MED1: variants seen among roughly 807,000 people sequenced by gnomAD.
MED1 encodes mediator complex subunit 1.
A neutral mutation model predicts 121.3 loss-of-function variants in MED1; 17 were observed. The observed-to-expected ratio is 0.14, with a 90% CI of 0.10 to 0.21. MED1 has a LOEUF of 0.21. MED1 is among the 10% of genes least tolerant of loss of function. The pLI is 1.00. For missense variants in MED1, 1,558 were observed against 1,919.4 expected, an observed-to-expected ratio of 0.81 and a Z score of 3.52; for synonymous variants, 661 against 694.4, an observed-to-expected ratio of 0.95 and a Z score of 0.76.
At chr17:39,448,266 A>C (rs1293955366) in intron 1 of MED1, among the ~76,000 whole-genome samples, 1 of 151,414 alleles carries the variant, frequency 6.6e-6, no homozygotes, top group African/African-American at 2.4e-5. Context: ...GCTACTTGGG[A>C]GGCTAAGGGA....
At chr17:39,419,959 T>C (rs1326732710) in intron 13 of MED1, 41 bp from the exon 14 acceptor site, 1 of 1,565,300 alleles carries the variant, frequency 6.4e-7, no homozygotes. Context: ...TTTAGTTACC[T>C]ATTGTATTCC....
rs185642765 is a variant in MED1, at chr17:39,440,669, A to T, written c.220T>A (p.Leu74Ile). 16 of 1,612,850 alleles carry T rather than the reference A, an allele frequency of 9.9e-6. No homozygotes were observed. The East Asian group carries it at 3.6e-4, about 36-fold the overall frequency. ...TCCAAACGATCAGTCATTGCTGGTA[A>T]AGATGTTACTATAAAAGGATGAAAA... The part of the protein sequence containing the change: ...TLQKALKVTS[L>I]PAMTDRLESI... Residue 74 changes from leucine (L) to isoleucine (I), a missense_variant, in exon 4 of 17, where the codon TTA (leucine) becomes ATA (isoleucine). Physicochemically the swap from Leu to Ile is conservative, Grantham distance 5. Around this residue, in one of 5 missense-constraint regions of MED1, gnomAD observed 443 missense variants for 532.4 expected, o/e 0.83. Coordinates refer to ENST00000300651, the MANE Select transcript of MED1 (RefSeq NM_004774.4). The surrounding 1 kb of genome is among the most constrained non-coding windows in gnomAD (Gnocchi z 4.1).
In MED1 at chr17:39,409,157, G is replaced by A; in HGVS notation, c.3064C>T (p.Pro1022Ser). Residue 1022 changes from proline to serine, a missense_variant, in exon 17 of 17, where the codon CCA becomes TCA. By Grantham distance (74) the Pro-to-Ser change is moderately conservative. Around this residue, in one of 5 missense-constraint regions of MED1, gnomAD observed 793 missense variants for 898.2 expected, o/e 0.88. Transcript: ENST00000300651. ...GGTCTGTTAGAAGAACTATGAGATG[G>A]AGACTTTCCCTCAGTGTCTGCCTTC... ...RKKADTEGKS[P>S]SHSSSNRPFT... The A allele has an allele frequency of 6.2e-7, 1 of 1,614,136 alleles. No homozygotes were observed. Among genetic ancestry groups the A allele is most frequent in the African/African-American group, 1.3e-5 (1 of 75,024 alleles).
chr17:39,409,237 C>T lies in MED1; in HGVS notation c.2984G>A (p.Arg995His), dbSNP rs773564311. 19 of 1,614,078 alleles carry T rather than the reference C, an allele frequency of 1.2e-5. No homozygotes were observed. Among genetic ancestry groups the T allele is most frequent in the East Asian group, 2.2e-5 (1 of 44,882 alleles). ...CCCATCATTAGAAGGGGTCCGACTGCGCTTCCCTGGTTTGCTGTCTAATCC... is the reference window on the plus strand; with the variant it reads ...CCCATCATTAGAAGGGGTCCGACTGTGCTTCCCTGGTTTGCTGTCTAATCC... ...GPGLDSKPGK[R>H]SRTPSNDGKS... The change falls in exon 17 of 17, where the codon CGC becomes CAC. Residue 995 changes from arginine (R) to histidine (H), a missense_variant. Arg to His is a conservative substitution (Grantham distance 29). Around this residue, in one of 5 missense-constraint regions of MED1, gnomAD observed 793 missense variants for 898.2 expected, o/e 0.88. Coordinates refer to ENST00000300651, the MANE Select transcript of MED1 (RefSeq NM_004774.4).
intron 6 of MED1, among the ~76,000 whole-genome samples, chr17:39,436,741 C>T (rs2048622503): frequency 6.6e-6 from 1 of 151,878 alleles, no homozygotes; most frequent in Admixed American, 6.6e-5. Context: ...CAATGATTAC[C>T]TTCTATTTAT....
Position 39,408,952 on chromosome 17 carries a change from G to C in MED1, c.3269C>G (p.Ser1090Cys), listed in dbSNP as rs2048329812. The C allele has an allele frequency of 6.2e-7, 1 of 1,614,084 alleles. No individual in the cohort carries two copies. The highest frequency in any genetic ancestry group is 8.5e-7 in the Non-Finnish European group (1 of 1,180,062). Reference sequence around the variant, plus strand: ...ATGGTGGCTTTTGCTGCCTGAGGAAGACACAGAACCACTGCTGGTATACTG... The same window carrying C: ...ATGGTGGCTTTTGCTGCCTGAGGAACACACAGAACCACTGCTGGTATACTG... The part of the protein sequence containing the change: ...HSQYTSSGSV[S>C]SSGSKSHHSH... The change falls in exon 17 of 17, where the codon TCT (serine) becomes TGT (cysteine). Residue 1090 changes from serine (S) to cysteine (C), a missense_variant. Physicochemically the swap from Ser to Cys is moderately radical, Grantham distance 112 (BLOSUM62 -1). Around this residue, in one of 5 missense-constraint regions of MED1, gnomAD observed 793 missense variants for 898.2 expected, o/e 0.88. Transcript: ENST00000300651. The surrounding 1 kb of genome is among the most constrained non-coding windows in gnomAD (Gnocchi z 4.7).
chr17:39,407,300 C>G lies in MED1; in HGVS notation c.*175G>C. The G allele has an allele frequency of 2.5e-5, 30 of 1,216,628 alleles. No homozygotes were observed. The highest frequency in any genetic ancestry group is 3.4e-5 in the East Asian group (1 of 29,064). 75.4% of individuals were successfully genotyped at this position (1,216,628 alleles called of 1,614,324 possible). ...TAACCAGAATCAAACCCTGTGGTTT[C>G]TTTAATAGGGTCTGGATATGCCTTT... On this transcript the variant is annotated 3_prime_UTR_variant, in exon 17 of 17. Coordinates refer to ENST00000300651, the MANE Select transcript of MED1 (RefSeq NM_004774.4).
chr17:39,431,434 C>A (rs1410983838), intron 8 of MED1, among the ~76,000 whole-genome samples: 1 of 152,096 alleles, frequency 6.6e-6, no homozygotes, highest in Non-Finnish European at 1.5e-5. Context: ...CCCGCCACCA[C>A]GCCCAGCTAA....
At chr17:39,425,385 G>A (rs1331780279) in intron 10 of MED1, among the ~76,000 whole-genome samples, 1 of 152,114 alleles carries the variant, frequency 6.6e-6, no homozygotes, top group Admixed American at 6.6e-5. Flanking sequence ...TAGAGATGGG[G>A]GTTTCATCAG....
chr17:39,443,159 G>A (rs919373286), intron 3 of MED1, among the ~76,000 whole-genome samples: 8 of 150,644 alleles, frequency 5.3e-5, no homozygotes, highest in African/African-American at 9.8e-5. Flanking sequence ...CCGCCACCAC[G>A]TCCAGCTAAT....
chr17:39,409,796 C>T lies in MED1; in HGVS notation c.2425G>A (p.Asp809Asn). The change falls in exon 17 of 17, where the codon GAT (aspartate) becomes AAT (asparagine). Residue 809 changes from aspartate to asparagine, a missense_variant. Coordinates refer to ENST00000300651, the MANE Select transcript of MED1 (RefSeq NM_004774.4). ...TGAGAATGCCCAGAGCTTGAAGAAT[C>T]TCGAAGAGGGGTGCCAATGGCTGGG... ...DCPAIGTPLR[D>N]SSSSGHSQST... 3.1e-6 allele frequency: 5 copies of T among 1,614,160 alleles called. No homozygotes were observed. The highest frequency in any genetic ancestry group is 4.2e-6 in the Non-Finnish European group (5 of 1,180,030).
rs199502446 is a variant in MED1, at chr17:39,410,145, T to C, written c.2076A>G (p.Ser692=). The part of the protein sequence containing the change: ...SGSNKTKKKK[S]SRLPPEKPKH... Reference sequence around the variant, plus strand: ...TTGGTTTCTCAGGTGGTAATCTTGATGACTTCTTTTTCTTGGTCTTGTTGC... The same window carrying C: ...TTGGTTTCTCAGGTGGTAATCTTGACGACTTCTTTTTCTTGGTCTTGTTGC... The change falls in exon 17 of 17, where the codon TCA becomes TCG. Residue 692 remains serine, a synonymous_variant. Transcript: ENST00000300651. 504 of 1,614,194 alleles carry C rather than the reference T, an allele frequency of 3.1e-4. 1 individual carries two copies. Among genetic ancestry groups the C allele is most frequent in the Non-Finnish European group, 2.9e-4 (337 of 1,180,028 alleles).
Position 39,409,902 on chromosome 17 carries a change from G to A in MED1, c.2319C>T (p.Asp773=). ...TGTCAGTTACATCTGGGCCAATGCT[G>A]TCTGAACTGGATAGTCGGACCATCC... ...IQRMVRLSSS[D]SIGPDVTDIL... The change falls in exon 17 of 17, where the codon GAC becomes GAT. Residue 773 remains aspartate (D), a synonymous_variant. Coordinates refer to ENST00000300651, the MANE Select transcript of MED1 (RefSeq NM_004774.4). The A allele has an allele frequency of 6.2e-7, 1 of 1,614,178 alleles. No homozygotes were observed. The highest frequency in any genetic ancestry group is 1.1e-5 in the South Asian group (1 of 91,086).
At chr17:39,450,037 C>G (rs1196540805) in intron 1 of MED1, among the ~76,000 whole-genome samples, 3 of 151,928 alleles carry the variant, frequency 2.0e-5, no homozygotes, top group African/African-American at 7.3e-5. Context: ...TGGTCTCGAT[C>G]TCCCAACCTC....
chr17:39,436,514 A>G (rs1415920978), intron 6 of MED1, among the ~76,000 whole-genome samples: 1 of 152,166 alleles, frequency 6.6e-6, no homozygotes, highest in Non-Finnish European at 1.5e-5. Context: ...TAAATTCCCC[A>G]AAAGTCTTAA....
At chr17:39,423,128 G>T (rs529618053) in intron 13 of MED1, among the ~76,000 whole-genome samples, 199 bp downstream of exon 13, 55 of 151,852 alleles carry the variant, frequency 3.6e-4, no homozygotes, top group Non-Finnish European at 5.9e-5. Context: ...GCCTCCTAAA[G>T]TGCGGGGATT....
In MED1 at chr17:39,409,944, GGGGTGAGGTACTGGTTGT is replaced by G; in HGVS notation, c.2259_2276del (p.Val756_Pro761del). ...GGACCATCCTTTGAATACTGGGTTG[GGGGTGAGGTACTGGTTGT>G]GGGTAAGTTGTTGGGGGAGTGCTAC... On this transcript the variant is annotated inframe_deletion, in exon 17 of 17. Transcript: ENST00000300651. 6.2e-7 allele frequency: 1 copy of G among 1,614,136 alleles called. No homozygotes were observed. Among genetic ancestry groups the G allele is most frequent in the South Asian group, 1.1e-5 (1 of 91,076 alleles).
intron 8 of MED1, among the ~76,000 whole-genome samples, chr17:39,431,678 C>A (rs1370111861): frequency 6.6e-6 from 1 of 152,168 alleles, no homozygotes; most frequent in African/African-American, 2.4e-5. Flanking sequence ...CAAGTACACA[C>A]CAGTATGTAG....
In MED1 at chr17:39,415,300, G is replaced by A; in HGVS notation, c.1337C>T (p.Ser446Leu). 1.2e-6 allele frequency: 2 copies of A among 1,613,744 alleles called. No homozygotes were observed. Among genetic ancestry groups the A allele is most frequent in the African/African-American group, 1.3e-5 (1 of 75,030 alleles). The part of the protein sequence containing the change: ...GLLQFEVCPL[S>L]ESRFSVSFQH... ...AAAAGATACGCTGAAACGAGACTCT[G>A]AGAGAGGACACACTTCAAATTGGAG... The change falls in exon 15 of 17, where the codon TCA becomes TTA. Residue 446 changes from serine (S) to leucine (L), a missense_variant. Ser to Leu is a moderately radical substitution (Grantham distance 145). Coordinates refer to ENST00000300651, the MANE Select transcript of MED1 (RefSeq NM_004774.4).
Sources: gnomAD v4.1 joint callset for allele counts (sites outside exome capture counted in the v4.1 genomes callset) on GRCh38, gnomAD v4.1.1 for gene constraint, gnomAD v4.1.1 regional missense constraint, Gnocchi (gnomAD v3.1) non-coding constraint, MANE v1.5 for transcripts, NCBI Gene and HGNC (gene_info 2026-07-23, HGNC 2026-07-21) for gene names.